Variants in VAV3 observed in about 807,000 individuals in gnomAD.
VAV3 encodes guanine nucleotide exchange factor VAV3.
Under a neutral mutation model 131.2 loss-of-function variants are expected in VAV3, and 94 were observed. The observed-to-expected ratio is 0.72, with a 90% confidence interval of 0.61 to 0.85. The LOEUF is 0.85. Ranked by LOEUF, VAV3 falls within the 40% of genes least tolerant of loss-of-function variation. The probability of loss-of-function intolerance (pLI) is 0.00; values close to 1 mark genes in which losing one functional copy is unlikely to be tolerated. For synonymous variants in VAV3, 349 were observed against 342.0 expected, an observed-to-expected ratio of 1.02 and a Z score of -0.22; for missense variants, 939 against 1,002.7, an observed-to-expected ratio of 0.94 and a Z score of 0.86.
chr1:107,912,226 A>T (rs906155248), intron 1 of VAV3, among the ~76,000 whole-genome samples: 5 of 152,216 alleles, frequency 3.3e-5, no homozygotes, highest in Non-Finnish European at 5.9e-5. Flanking sequence ...AAGGCAGACT[A>T]ATGTTTTCAA....
chr1:107,875,167 C>T (rs1017903730), intron 1 of VAV3, 150 bp from the exon 2 acceptor site: 15 of 663,818 alleles, frequency 2.3e-5, no homozygotes, highest in African/African-American at 1.6e-4. Flanking sequence ...CAGTACTGAC[C>T]GAGCCTGCAG....
chr1:107,573,878 C>T (rs944424861), intron 26 of VAV3, among the ~76,000 whole-genome samples, 169 bp downstream of exon 26: 1 of 152,136 alleles, frequency 6.6e-6, no homozygotes, highest in African/African-American at 2.4e-5. Context: ...ATATTTTCAG[C>T]GAGTCCCTGG....
intron 1 of VAV3, among the ~76,000 whole-genome samples, chr1:107,929,272 AGT>A (rs1257834540): frequency 8.0e-6 from 1 of 124,478 alleles, no homozygotes; most frequent in African/African-American, 3.1e-5. Context: ...TGGGTGACAG[AGT>A]GACACTCTGT....
intron 1 of VAV3, among the ~76,000 whole-genome samples, chr1:107,887,114 T>TCAACCCTAAGGCTCTGGGC (rs1404954606): frequency 6.6e-6 from 1 of 152,234 alleles, no homozygotes; most frequent in Non-Finnish European, 1.5e-5. Flanking sequence ...ATGGTTTGCT[T>TCAACCCTAAGGCTCTGGGC]CAACCCTAAG....
intron 1 of VAV3, among the ~76,000 whole-genome samples, chr1:107,892,161 T>C (rs1445309955): frequency 1.3e-5 from 2 of 152,192 alleles, no homozygotes; most frequent in African/African-American, 2.4e-5. Flanking sequence ...GTTAGCAGAA[T>C]TGTCATTATT....
At chr1:107,878,491 T>C (rs1310279307) in intron 1 of VAV3, among the ~76,000 whole-genome samples, 2 of 152,192 alleles carry the variant, frequency 1.3e-5, no homozygotes, top group Admixed American at 6.5e-5. Context: ...TCCAGGCTGG[T>C]TGTCTTACAA....
chr1:107,687,752 T>A (rs1659135390), intron 18 of VAV3, among the ~76,000 whole-genome samples: 1 of 152,232 alleles, frequency 6.6e-6, no homozygotes. Context: ...ACTTGCTGTT[T>A]ACTTCCTACA....
intron 19 of VAV3, among the ~76,000 whole-genome samples, chr1:107,650,779 C>T (rs1656108748): frequency 7.1e-6 from 1 of 140,594 alleles, no homozygotes; most frequent in African/African-American, 2.7e-5. Flanking sequence ...TCTCATTGTT[C>T]AATTCCCATC....
At chr1:107,613,737 A>C (rs1652929020) in intron 21 of VAV3, among the ~76,000 whole-genome samples, 1 of 152,094 alleles carries the variant, frequency 6.6e-6, no homozygotes, top group African/African-American at 2.4e-5. Context: ...TCAAATTGTG[A>C]GTGTATGTTG....
At chr1:107,906,433 G>A (rs1416741360) in intron 1 of VAV3, among the ~76,000 whole-genome samples, 2 of 152,142 alleles carry the variant, frequency 1.3e-5, no homozygotes, top group African/African-American at 4.8e-5. Flanking sequence ...GGGAGGCCGA[G>A]GTGGGCGGAT....
Position 107,644,119 on chromosome 1 carries a change from TATAA to T in VAV3, c.1778-1368_1778-1365del, listed in dbSNP as rs1340750896. Among the ~76,000 whole-genome samples, 14 of 152,258 alleles carry T rather than the reference TATAA, an allele frequency of 9.2e-5. No individual in the cohort carries two copies. In the East Asian group the frequency reaches 2.7e-3, roughly 29 times the overall value. ...ATTGACTTTCCCCTAAACAACACTC[TATAA>T]GAGAACTCCTCTCAGTTAAATGTTT... On this transcript the variant is annotated intron_variant, in intron 19 of 26. Coordinates refer to ENST00000370056, the MANE Select transcript of VAV3 (RefSeq NM_006113.5).
intron 2 of VAV3, among the ~76,000 whole-genome samples, chr1:107,802,938 T>G (rs1034002827): frequency 3.9e-5 from 6 of 151,948 alleles, no homozygotes; most frequent in Non-Finnish European, 7.4e-5. Context: ...TTTAAATGTT[T>G]GGTAGAATTT....
chr1:107,843,636 C>T (rs565290565), intron 2 of VAV3, among the ~76,000 whole-genome samples: 25 of 151,524 alleles, frequency 1.6e-4, no homozygotes, highest in South Asian at 6.2e-4. Context: ...TCCACATTAC[C>T]GAGGAATATT....
intron 2 of VAV3, among the ~76,000 whole-genome samples, chr1:107,848,183 G>A (rs1669054197): frequency 6.6e-6 from 1 of 151,962 alleles, no homozygotes; most frequent in Non-Finnish European, 1.5e-5. Flanking sequence ...CATGGTGGCA[G>A]GTGCCTGTAG....
intron 2 of VAV3, among the ~76,000 whole-genome samples, chr1:107,820,496 A>T (rs1263739308): frequency 6.6e-6 from 1 of 152,128 alleles, no homozygotes; most frequent in Non-Finnish European, 1.5e-5. Flanking sequence ...GTAGGGATGG[A>T]TAATAGTTAC....
intron 2 of VAV3, among the ~76,000 whole-genome samples, chr1:107,808,640 G>GT (rs1276242440): frequency 1.3e-5 from 2 of 151,940 alleles, no homozygotes; most frequent in Non-Finnish European, 2.9e-5. Flanking sequence ...ACACTAAAAT[G>GT]TAAGACAAGA....
chr1:107,964,057 T>A (rs574150534), intron 1 of VAV3, among the ~76,000 whole-genome samples: 8 of 152,338 alleles, frequency 5.3e-5, no homozygotes, highest in African/African-American at 1.7e-4. Context: ...CCTTCTCACA[T>A]GGCTTAGGAA....
intron 7 of VAV3, 99 bp from the exon 8 acceptor site, chr1:107,766,649 A>G: frequency 2.5e-6 from 2 of 800,482 alleles, no homozygotes; most frequent in Non-Finnish European, 4.2e-6. Context: ...GCCACTCAGG[A>G]TATGCTGAAT....
chr1:107,838,842 C>T (rs1668578818), intron 2 of VAV3, among the ~76,000 whole-genome samples: 1 of 152,134 alleles, frequency 6.6e-6, no homozygotes. Flanking sequence ...TGAACTAACA[C>T]AGAAACAGAA....
Sources: allele counts gnomAD v4.1 joint callset (sites outside exome capture counted in the v4.1 genomes callset), GRCh38; gene constraint gnomAD v4.1.1; transcripts MANE v1.5; gene names NCBI Gene and HGNC (gene_info 2026-07-23, HGNC 2026-07-21).